The following RABEPK variants were observed in gnomAD, a reference collection of about 807,000 sequenced individuals.
RABEPK encodes the protein Rab9 effector protein with kelch motifs.
RABEPK carries 27 observed loss-of-function variants against 34.1 expected under a neutral mutation model. The observed-to-expected ratio is 0.79, with a 90% CI of 0.58 to 1.09. The LOEUF is 1.09. Among genes scored for constraint, RABEPK ranks in the 50% least tolerant of loss-of-function variants. RABEPK has a pLI of 0.00. For synonymous variants in RABEPK, 172 were observed against 169.2 expected (o/e 1.02, Z -0.13); for missense variants, 449 against 462.6 (o/e 0.97, Z 0.27).
At chr9:125,231,460 G>A (rs529930688) in intron 6 of RABEPK, among the ~76,000 whole-genome samples, 8 of 152,064 alleles carry the variant, frequency 5.3e-5, no homozygotes, top group Admixed American at 1.3e-4. Context: ...ATAGGGTCTC[G>A]GACAAGTCTC....
chr9:125,215,551 A>G (rs928057501), intron 4 of RABEPK, among the ~76,000 whole-genome samples: 5 of 151,568 alleles, frequency 3.3e-5, no homozygotes, highest in Non-Finnish European at 5.9e-5. Flanking sequence ...GGCTCAAGCA[A>G]TTTTCCTGCC....
intron 5 of RABEPK, among the ~76,000 whole-genome samples, chr9:125,226,225 G>A (rs1831734545): frequency 6.6e-6 from 1 of 151,222 alleles, no homozygotes; most frequent in African/African-American, 2.4e-5. Context: ...GCTGAGGCAG[G>A]AGAATCACTT....
intron 4 of RABEPK, among the ~76,000 whole-genome samples, chr9:125,218,777 T>G (rs1337051671): frequency 6.6e-6 from 1 of 152,028 alleles, no homozygotes; most frequent in Non-Finnish European, 1.5e-5. Context: ...CAGGCTGGAG[T>G]TGCAGTGGTG....
intron 4 of RABEPK, among the ~76,000 whole-genome samples, chr9:125,215,077 A>G (rs1830839926): frequency 6.6e-6 from 1 of 152,120 alleles, no homozygotes. Context: ...GGCATCAGCC[A>G]ATGTGACCGG....
At position 125,228,131 on chromosome 9, in the gene RABEPK, CTCTG is replaced by C. The variant is rs564141251; in HGVS notation, c.676+79_676+82del. On this transcript the variant is annotated intron_variant, in intron 6 of 7. Transcript: ENST00000373538. ...TTATTTATTTATTTTTAGACAGGAT[CTCTG>C]TCTGTCACTCAGGCTGGAGTGCGGT... 3.4e-4 allele frequency: 416 copies of C among 1,213,500 alleles called. 5 individuals are homozygous for C. The South Asian group carries it at 8.4e-3, about 24-fold the overall frequency. The allele number at this position is 1,213,500 out of a possible 1,614,324, so 75.2% of individuals were successfully genotyped here.
In RABEPK at chr9:125,232,843, C is replaced by T. The variant is rs145607289; in HGVS notation, c.826+98C>T. 7.6e-4 allele frequency: 959 copies of T among 1,267,736 alleles called. 3 individuals are homozygous for T. Among genetic ancestry groups the T allele is most frequent in the South Asian group, 1.1e-3 (71 of 63,654 alleles). The allele number at this position is 1,267,736 out of a possible 1,614,324, so 78.5% of individuals were successfully genotyped here. A position where few individuals can be genotyped will look rare whatever the true frequency, so the allele number is the denominator to read the frequency against. ...CTGTAATCCCAGCACTTTGGGAGGC[C>T]GAGGCAGGCAGATCACGAGGTCAGG... On this transcript the variant is annotated intron_variant, in intron 7 of 7. Transcript: ENST00000373538.
At chr9:125,209,968 G>A (rs10986642) in intron 3 of RABEPK, among the ~76,000 whole-genome samples, 2,027 of 152,074 alleles carry the variant, frequency 0.013, 101 homozygotes, top group Admixed American at 0.082. Flanking sequence ...TTTCTTGTCC[G>A]TCTGCCCCAC....
intron 2 of RABEPK, 22 bp downstream of exon 2, chr9:125,203,088 C>A: frequency 6.2e-7 from 1 of 1,601,994 alleles, no homozygotes; most frequent in Non-Finnish European, 8.5e-7. Context: ...AGGATCCAGA[C>A]ACAGAAAAGC....
rs558802320 is a variant in RABEPK, at chr9:125,213,241, C to T, written c.212-129C>T. On this transcript the variant is annotated intron_variant, in intron 3 of 7. Coordinates refer to ENST00000373538, the MANE Select transcript of RABEPK (RefSeq NM_005833.4). ...TATAGAATTTTCTGGAGGTTGACAA[C>T]ATGCCCTTTAAGTGATTCAGTGGTT... 6.0e-4 allele frequency: 569 copies of T among 950,334 alleles called. 1 individual carries two copies. The highest frequency in any genetic ancestry group is 8.2e-4 in the Non-Finnish European group (520 of 631,664). The allele number at this position is 950,334 out of a possible 1,614,324, so 58.9% of individuals were successfully genotyped here. A position where few individuals can be genotyped will look rare whatever the true frequency, so the allele number is the denominator to read the frequency against.
chr9:125,226,987 T>C (rs1365180506), intron 5 of RABEPK, among the ~76,000 whole-genome samples: 1 of 151,864 alleles, frequency 6.6e-6, no homozygotes, highest in East Asian at 1.9e-4. Context: ...CTGACCAACA[T>C]GGAGAAACCC....
chr9:125,214,680 T>A (rs1207812806), intron 4 of RABEPK, among the ~76,000 whole-genome samples: 1 of 152,214 alleles, frequency 6.6e-6, no homozygotes, highest in East Asian at 1.9e-4. Flanking sequence ...GTTTTTGTTT[T>A]TCTCTTTACA....
chr9:125,231,894 A>AT (rs555538576), intron 6 of RABEPK, among the ~76,000 whole-genome samples: 11,933 of 112,538 alleles, frequency 0.11, 837 homozygotes, highest in Non-Finnish European at 0.15. Flanking sequence ...AAGGAACTGT[A>AT]TTTTTTTTTT....
chr9:125,218,875 C>T (rs1252232105), intron 4 of RABEPK, among the ~76,000 whole-genome samples: 2 of 152,186 alleles, frequency 1.3e-5, no homozygotes, highest in South Asian at 2.1e-4. Context: ...TATAGGCATA[C>T]GCCACCACAC....
At chr9:125,232,859 C>T (rs933723260) in intron 7 of RABEPK, 114 bp downstream of exon 7, 22 of 1,100,640 alleles carry the variant, frequency 2.0e-5, no homozygotes, top group Admixed American at 1.6e-4. Flanking sequence ...AGGCAGATCA[C>T]GAGGTCAGGA....
intron 7 of RABEPK, among the ~76,000 whole-genome samples, chr9:125,233,243 C>T (rs16927985): frequency 0.012 from 1,873 of 151,318 alleles, 41 homozygotes; most frequent in African/African-American, 0.043. Flanking sequence ...TAGGACTCGG[C>T]TGCTACAGTA....
intron 4 of RABEPK, among the ~76,000 whole-genome samples, chr9:125,217,827 A>G (rs1002148528): frequency 6.6e-6 from 1 of 152,136 alleles, no homozygotes; most frequent in Non-Finnish European, 1.5e-5. Context: ...GCTCTCCAAC[A>G]TCTGTAACTA....
At chr9:125,208,738 T>C (rs1225618480) in intron 3 of RABEPK, among the ~76,000 whole-genome samples, 1 of 152,076 alleles carries the variant, frequency 6.6e-6, no homozygotes, top group African/African-American at 2.4e-5. Context: ...AGTTTCACCA[T>C]GTTGGCCAGG....
intron 3 of RABEPK, among the ~76,000 whole-genome samples, chr9:125,209,755 C>A (rs952281709): frequency 3.9e-5 from 6 of 152,192 alleles, no homozygotes; most frequent in African/African-American, 1.4e-4. Context: ...TTTGCACACA[C>A]AGATCCCTCT....
chr9:125,209,395 G>A (rs1023342888), intron 3 of RABEPK, among the ~76,000 whole-genome samples: 1 of 151,092 alleles, frequency 6.6e-6, no homozygotes, highest in Non-Finnish European at 1.5e-5. Flanking sequence ...TGTCACCCAG[G>A]CTGGAGTGCA....
Sources: allele counts gnomAD v4.1 joint callset (sites outside exome capture counted in the v4.1 genomes callset), GRCh38; gene constraint gnomAD v4.1.1; transcripts MANE v1.5; gene names NCBI Gene and HGNC (gene_info 2026-07-23, HGNC 2026-07-21).